CARMIL1: variants seen among roughly 807,000 people sequenced by gnomAD.
The protein encoded by CARMIL1 is F-actin-uncapping protein LRRC16A.
A neutral mutation model predicts 177.1 loss-of-function variants in CARMIL1; 90 were observed. The ratio of observed to expected loss-of-function variants is 0.51; its 90% confidence interval spans 0.43 to 0.61. CARMIL1 has a LOEUF of 0.61. Ranked by LOEUF, CARMIL1 falls within the 20% of genes least tolerant of loss-of-function variation. CARMIL1 has a pLI of 0.00. For synonymous variants in CARMIL1, 577 were observed against 606.2 expected (o/e 0.95, Z 0.71); for missense variants, 1,380 against 1,667.0 (o/e 0.83, Z 3.00).
intron 2 of CARMIL1, among the ~76,000 whole-genome samples, chr6:25,392,098 GTA>G (rs1429090320): frequency 7.5e-6 from 1 of 132,972 alleles, no homozygotes; most frequent in Non-Finnish European, 1.6e-5. Flanking sequence ...GTGTGTGTGT[GTA>G]TCACATGTGG....
At chr6:25,503,052 C>T (rs561422432) in intron 17 of CARMIL1, among the ~76,000 whole-genome samples, 7 of 152,294 alleles carry the variant, frequency 4.6e-5, no homozygotes, top group Non-Finnish European at 8.8e-5. Flanking sequence ...TTGGCAGTTT[C>T]GTAAAGTTCA....
At position 25,488,604 on chromosome 6, in the gene CARMIL1, A is replaced by T; in HGVS notation, c.1065+19A>T. ...CCTCTCAGTAAGTTTTCTTTTCTTT[A>T]TTCCATCTTCGAAGAAGCTGTGTTT... On this transcript the variant is annotated intron_variant, in intron 13 of 36. Transcript: ENST00000329474. 6.4e-7 allele frequency: 1 copy of T among 1,572,588 alleles called. No individual in the cohort carries two copies. Among genetic ancestry groups the T allele is most frequent in the Non-Finnish European group, 8.8e-7 (1 of 1,142,194 alleles).
At chr6:25,478,771 G>A (rs1477469815) in intron 11 of CARMIL1, among the ~76,000 whole-genome samples, 1 of 151,724 alleles carries the variant, frequency 6.6e-6, no homozygotes, top group Non-Finnish European at 1.5e-5. Context: ...ACTCCAGCCT[G>A]GGTGACAGAG....
At chr6:25,530,175 A>C (rs1278307253) in intron 24 of CARMIL1, among the ~76,000 whole-genome samples, 1 of 152,048 alleles carries the variant, frequency 6.6e-6, no homozygotes, top group African/African-American at 2.4e-5. Flanking sequence ...GTGGAATCTC[A>C]GAACACCTAG....
At chr6:25,393,161 T>TC (rs1474485325) in intron 2 of CARMIL1, among the ~76,000 whole-genome samples, 1 of 151,958 alleles carries the variant, frequency 6.6e-6, no homozygotes, top group African/African-American at 2.4e-5. Flanking sequence ...TTTCATTCTA[T>TC]TCTTGTTTTT....
intron 24 of CARMIL1, among the ~76,000 whole-genome samples, chr6:25,535,384 A>G (rs150533): frequency 0.18 from 27,348 of 152,182 alleles, 2,635 homozygotes; most frequent in Middle Eastern, 0.23. Context: ...GACTGTCACT[A>G]GAAGAGAGCA....
chr6:25,427,483 C>G (rs1796374918), intron 4 of CARMIL1, among the ~76,000 whole-genome samples: 1 of 152,132 alleles, frequency 6.6e-6, no homozygotes, highest in African/African-American at 2.4e-5. Flanking sequence ...TGGGTTGTTT[C>G]CCATCTTGGC....
At chr6:25,552,612 A>G (rs1481649308) in intron 27 of CARMIL1, among the ~76,000 whole-genome samples, 2 of 152,202 alleles carry the variant, frequency 1.3e-5, no homozygotes, top group Non-Finnish European at 2.9e-5. Context: ...GCAAACTGGA[A>G]GCTTAACCAG....
rs919165721 is a variant in CARMIL1, at chr6:25,611,153, T to C, written c.3979+972T>C. 3.9e-5 allele frequency among the ~76,000 whole-genome samples: 6 copies of C among 152,204 alleles called. No homozygotes were observed. The East Asian group carries it at 7.7e-4, about 19-fold the overall frequency. ...GTACTGTCTTTGTGGCTTGGAAATCTAATAAAAACAATAACACTGCCTGCT... is the reference window on the plus strand; with the variant it reads ...GTACTGTCTTTGTGGCTTGGAAATCCAATAAAAACAATAACACTGCCTGCT... On this transcript the variant is annotated intron_variant, in intron 36 of 36. Coordinates refer to ENST00000329474, the MANE Select transcript of CARMIL1 (RefSeq NM_017640.6).
intron 5 of CARMIL1, among the ~76,000 whole-genome samples, chr6:25,440,375 G>A (rs1797635204): frequency 6.6e-6 from 1 of 152,216 alleles, no homozygotes. Context: ...TGGAGAGAAG[G>A]TGCAGATTAT....
chr6:25,394,234 T>C (rs7751391), intron 2 of CARMIL1, among the ~76,000 whole-genome samples: 20,784 of 152,262 alleles, frequency 0.14, 1,648 homozygotes, highest in East Asian at 0.32. Flanking sequence ...TTCATCTTCT[T>C]GGCAGTGATA....
intron 2 of CARMIL1, among the ~76,000 whole-genome samples, chr6:25,416,122 A>G (rs1450966506): frequency 6.6e-6 from 1 of 152,194 alleles, no homozygotes; most frequent in African/African-American, 2.4e-5. Flanking sequence ...GTGCATAGAA[A>G]GAGACAGAAG....
intron 2 of CARMIL1, among the ~76,000 whole-genome samples, chr6:25,378,601 C>G (rs150455822): frequency 1.3e-5 from 2 of 152,228 alleles, no homozygotes; most frequent in East Asian, 3.9e-4. Context: ...CAGTGCTACT[C>G]CTTCTCATAT....
At chr6:25,416,871 T>A (rs1795401121) in intron 2 of CARMIL1, among the ~76,000 whole-genome samples, 1 of 152,130 alleles carries the variant, frequency 6.6e-6, no homozygotes, top group African/African-American at 2.4e-5. Context: ...GATTTGTCTG[T>A]TATTTTACCT....
At chr6:25,435,378 G>A (rs1797132837) in intron 4 of CARMIL1, 105 bp from the exon 5 acceptor site, 1 of 1,296,640 alleles carries the variant, frequency 7.7e-7, no homozygotes, top group South Asian at 1.8e-5. Flanking sequence ...AGCTAATATT[G>A]TATTAGTATA....
At chr6:25,332,229 C>G (rs761194189) in intron 2 of CARMIL1, among the ~76,000 whole-genome samples, 12 of 152,186 alleles carry the variant, frequency 7.9e-5, no homozygotes, top group Non-Finnish European at 1.6e-4. Flanking sequence ...AACTGGAAAT[C>G]TGCTGTTTTT....
chr6:25,319,104 A>G (rs915970321), intron 2 of CARMIL1, among the ~76,000 whole-genome samples: 2 of 152,256 alleles, frequency 1.3e-5, no homozygotes, highest in Non-Finnish European at 2.9e-5. Context: ...TAAAATTACT[A>G]TGAGGATAGA....
intron 8 of CARMIL1, among the ~76,000 whole-genome samples, chr6:25,463,983 C>T (rs896887984): frequency 6.6e-5 from 10 of 151,744 alleles, no homozygotes; most frequent in African/African-American, 1.2e-4. Flanking sequence ...CCACTACGCC[C>T]GGCTAATTTT....
chr6:25,488,265 CCTT>C (rs1363307433), intron 12 of CARMIL1, among the ~76,000 whole-genome samples: 27 of 152,304 alleles, frequency 1.8e-4, no homozygotes, highest in Admixed American at 5.9e-4. Flanking sequence ...ATTCATTACT[CCTT>C]CTGATTCAGT....
Sources: allele counts gnomAD v4.1 joint callset (sites outside exome capture counted in the v4.1 genomes callset), GRCh38; gene constraint gnomAD v4.1.1; transcripts MANE v1.5; gene names NCBI Gene and HGNC (gene_info 2026-07-23, HGNC 2026-07-21).